Variants in CTNNA2 observed in about 807,000 individuals in gnomAD.
CTNNA2 encodes the protein catenin alpha 2, also known as catenin alpha-2.
CTNNA2 carries 42 observed loss-of-function variants against 101.0 expected under a neutral mutation model. The ratio of observed to expected loss-of-function variants is 0.42; its 90% CI spans 0.32 to 0.54. CTNNA2 has a LOEUF of 0.54. Among genes scored for constraint, CTNNA2 ranks in the 20% least tolerant of loss-of-function variants. CTNNA2 has a pLI of 0.14. For missense variants in CTNNA2, 871 were observed against 1,223.1 expected (o/e 0.71, Z 4.29); for synonymous variants, 450 against 456.4 (o/e 0.99, Z 0.18).
chr2:79,195,502 C>T (rs1281402403), intron 1 of CTNNA2, among the ~76,000 whole-genome samples: 1 of 152,184 alleles, frequency 6.6e-6, no homozygotes, highest in Non-Finnish European at 1.5e-5. Context: ...ACCACACCCT[C>T]CCACCAGATC....
chr2:80,419,704 G>T, intron 9 of CTNNA2, 103 bp downstream of exon 9: 1 of 1,223,542 alleles, frequency 8.2e-7, no homozygotes, highest in Non-Finnish European at 1.1e-6. Flanking sequence ...TATTTTTGGA[G>T]AAATAAAGTC....
intron 2 of CTNNA2, among the ~76,000 whole-genome samples, chr2:79,285,991 C>T (rs1251814751): frequency 6.7e-6 from 1 of 149,590 alleles, no homozygotes. Context: ...TTGAATTCAT[C>T]CCTTTACCAT....
intron 7 of CTNNA2, among the ~76,000 whole-genome samples, chr2:80,098,275 A>T (rs199879141): frequency 1.7e-4 from 25 of 150,238 alleles, no homozygotes; most frequent in Admixed American, 2.7e-4. Context: ...GGTCCACTCC[A>T]GACCCTGTTT....
intron 7 of CTNNA2, among the ~76,000 whole-genome samples, chr2:80,004,227 G>A (rs1693171072): frequency 6.6e-6 from 1 of 152,156 alleles, no homozygotes; most frequent in African/African-American, 2.4e-5. Context: ...TTTCTGAGGA[G>A]CATTTCATAG....
intron 9 of CTNNA2, among the ~76,000 whole-genome samples, chr2:80,507,478 T>C (rs1021716039): frequency 4.6e-5 from 7 of 152,210 alleles, no homozygotes; most frequent in African/African-American, 1.7e-4. Context: ...GAAAAATCTA[T>C]GACACATTTA....
At chr2:79,856,798 G>A (rs907137025) in intron 3 of CTNNA2, among the ~76,000 whole-genome samples, 2 of 152,096 alleles carry the variant, frequency 1.3e-5, no homozygotes, top group Admixed American at 6.6e-5. Flanking sequence ...GGTTGGTTGT[G>A]TCACACAGAT....
chr2:80,026,808 C>T (rs1406079325), intron 7 of CTNNA2, among the ~76,000 whole-genome samples: 2 of 152,110 alleles, frequency 1.3e-5, no homozygotes, highest in East Asian at 3.9e-4. Flanking sequence ...AAACAGTATT[C>T]TCATAAGGAA....
chr2:79,299,490 C>G (rs534920168), intron 2 of CTNNA2, among the ~76,000 whole-genome samples: 1 of 152,190 alleles, frequency 6.6e-6, no homozygotes, highest in African/African-American at 2.4e-5. Flanking sequence ...ATTCTCCTTT[C>G]CCGATTCTAA....
At chr2:79,293,693 C>T (rs186711092) in intron 2 of CTNNA2, among the ~76,000 whole-genome samples, 50 of 152,198 alleles carry the variant, frequency 3.3e-4, no homozygotes, top group African/African-American at 1.2e-3. Flanking sequence ...CACTATTTTT[C>T]AAGGACATGT....
At chr2:80,349,474 G>C (rs1673083480) in intron 7 of CTNNA2, among the ~76,000 whole-genome samples, 1 of 152,084 alleles carries the variant, frequency 6.6e-6, no homozygotes. Flanking sequence ...GGGGAGTTCT[G>C]GCCCCAGGTT....
chr2:79,542,550 C>G (rs973174104), intron 1 of CTNNA2, among the ~76,000 whole-genome samples: 11 of 152,110 alleles, frequency 7.2e-5, no homozygotes, highest in Non-Finnish European at 1.5e-4. Context: ...TCATTGCTCA[C>G]TAAAACTGGG....
At chr2:79,772,801 G>T (rs1475480737) in intron 3 of CTNNA2, among the ~76,000 whole-genome samples, 1 of 152,094 alleles carries the variant, frequency 6.6e-6, no homozygotes, top group East Asian at 1.9e-4. Context: ...CTGGTCTCAA[G>T]TGATTTTCCC....
At chr2:80,238,090 T>C (rs1194561690) in intron 7 of CTNNA2, among the ~76,000 whole-genome samples, 1 of 152,132 alleles carries the variant, frequency 6.6e-6, no homozygotes, top group Admixed American at 6.5e-5. Context: ...AGGAAGGAAC[T>C]GGTAAGACTC....
chr2:80,588,715 A>G (rs1696182152), intron 14 of CTNNA2, among the ~76,000 whole-genome samples: 2 of 151,988 alleles, frequency 1.3e-5, no homozygotes, highest in South Asian at 4.1e-4. Flanking sequence ...CCACCACCCT[A>G]AAGGAGATGG....
At chr2:80,511,303 G>T (rs1284527433) in intron 9 of CTNNA2, among the ~76,000 whole-genome samples, 1 of 152,202 alleles carries the variant, frequency 6.6e-6, no homozygotes, top group Non-Finnish European at 1.5e-5. Context: ...TTTTTACCTT[G>T]TCTATCAACA....
chr2:80,284,205 T>C (rs1295142594), intron 7 of CTNNA2, among the ~76,000 whole-genome samples: 1 of 152,158 alleles, frequency 6.6e-6, no homozygotes, highest in Non-Finnish European at 1.5e-5. Context: ...ATGGAATTAC[T>C]AGCTAATTTT....
chr2:80,196,947 T>A (rs1212501438), intron 7 of CTNNA2, among the ~76,000 whole-genome samples: 1 of 152,336 alleles, frequency 6.6e-6, no homozygotes, highest in African/African-American at 2.4e-5. Flanking sequence ...CTGTCTCTTA[T>A]TCACTGACTG....
intron 7 of CTNNA2, among the ~76,000 whole-genome samples, chr2:79,955,465 G>A (rs1367596475): frequency 6.6e-6 from 1 of 152,128 alleles, no homozygotes; most frequent in Non-Finnish European, 1.5e-5. Flanking sequence ...AGAAGACCAC[G>A]GTAACAGGGG....
chr2:79,874,438 T>C lies in CTNNA2; in HGVS notation c.852+96T>C, dbSNP rs1682847005. 12 of 1,414,128 alleles carry C rather than the reference T, an allele frequency of 8.5e-6. No homozygotes were observed. In the South Asian group the frequency reaches 1.6e-4, roughly 19 times the overall value. The allele number at this position is 1,414,128 out of a possible 1,614,324, so 87.6% of individuals were successfully genotyped here. On this transcript the variant is annotated intron_variant, in intron 6 of 18. Transcript: ENST00000402739. ...TGAAGGGCCACTACAATAATTTACA[T>C]TGATTTTTCTCTTTTGGAGGTTTTA... is the stretch of plus-strand genomic sequence containing the variant.
Sources: allele counts gnomAD v4.1 joint callset (sites outside exome capture counted in the v4.1 genomes callset), GRCh38; gene constraint gnomAD v4.1.1; transcripts MANE v1.5; gene names NCBI Gene and HGNC (gene_info 2026-07-23, HGNC 2026-07-21).